Variants in MYO5B observed in about 807,000 individuals in gnomAD.
MYO5B encodes the protein unconventional myosin-Vb.
MYO5B carries 143 observed loss-of-function variants against 229.3 expected under a neutral mutation model. That is an observed-to-expected ratio of 0.62 (90% CI 0.54 to 0.72). The LOEUF (loss-of-function observed/expected upper bound fraction) is 0.72. Among genes scored for constraint, MYO5B ranks in the 30% least tolerant of loss-of-function variants. MYO5B has a pLI of 0.00. For missense variants in MYO5B, 2,321 were observed against 2,331.0 expected (o/e 1.00, Z 0.09); for synonymous variants, 918 against 885.2 (o/e 1.04, Z -0.66).
intron 1 of MYO5B, among the ~76,000 whole-genome samples, chr18:50,113,330 C>T (rs1044228146): frequency 6.6e-6 from 1 of 152,196 alleles, no homozygotes; most frequent in East Asian, 1.9e-4. Flanking sequence ...GCCTTCCCTC[C>T]CAAGAGTCAC....
chr18:49,990,348 C>A (rs1437941731), intron 7 of MYO5B, 91 bp downstream of exon 7: 1 of 1,082,052 alleles, frequency 9.2e-7, no homozygotes, highest in Admixed American at 1.8e-5. Flanking sequence ...GACAAGAACC[C>A]ATGACGGAGG....
rs184042818 is a variant in MYO5B, at chr18:49,927,526, G to T, written c.2090+1986C>A. On this transcript the variant is annotated intron_variant, in intron 17 of 39. Transcript: ENST00000285039. Reference sequence around the variant, plus strand: ...CTGTAAGGCCACAGTCACCAAAACAGCATGATATTGGTATAAAAACGGGTG... The same window carrying T: ...CTGTAAGGCCACAGTCACCAAAACATCATGATATTGGTATAAAAACGGGTG... Among the ~76,000 whole-genome samples the T allele has an allele frequency of 1.6e-3, 236 of 152,242 alleles. No individual in the cohort carries two copies. The Middle Eastern group carries it at 0.02, about 13-fold the overall frequency.
chr18:50,090,043 C>G (rs777042428), intron 1 of MYO5B, among the ~76,000 whole-genome samples: 13 of 152,222 alleles, frequency 8.5e-5, no homozygotes, highest in Admixed American at 3.3e-4. Context: ...TCCGCCCCAA[C>G]TGGGGTTCCC....
At chr18:49,974,701 G>T in intron 9 of MYO5B, 86 bp from the exon 10 acceptor site, 2 of 1,496,480 alleles carry the variant, frequency 1.3e-6, no homozygotes, top group Non-Finnish European at 1.8e-6. Flanking sequence ...CTGCCCAGAG[G>T]GAAAACAAGC....
rs184480083 is a variant in MYO5B at position 50,193,554 on chromosome 18, C to T, written c.27+1213G>A. On this transcript the variant is annotated intron_variant, in intron 1 of 39. Transcript: ENST00000285039. ...GCCGCGTGTGATCGCCAGGTAAGGA[C>T]GCGGAAGTGACTGTTCCTACCCAGC... Among the ~76,000 whole-genome samples, 6 of 152,380 alleles carry T rather than the reference C, an allele frequency of 3.9e-5. No individual in the cohort carries two copies. The East Asian group carries it at 7.7e-4, about 20-fold the overall frequency.
At chr18:50,053,574 A>C (rs2030461365) in intron 2 of MYO5B, among the ~76,000 whole-genome samples, 1 of 152,150 alleles carries the variant, frequency 6.6e-6, no homozygotes, top group Non-Finnish European at 1.5e-5. Flanking sequence ...TGGTAAACAT[A>C]ATTCCATCTG....
At chr18:50,043,815 T>C (rs1266738210) in intron 2 of MYO5B, among the ~76,000 whole-genome samples, 1 of 151,316 alleles carries the variant, frequency 6.6e-6, no homozygotes, top group Non-Finnish European at 1.5e-5. Context: ...ACATTGTATG[T>C]TCTCACTCAT....
At chr18:50,004,765 A>T (rs2026083560) in intron 4 of MYO5B, among the ~76,000 whole-genome samples, 1 of 152,152 alleles carries the variant, frequency 6.6e-6, no homozygotes, top group Non-Finnish European at 1.5e-5. Flanking sequence ...TCTTAAAAAA[A>T]ATAGAGGTGG....
rs1214635101 is a variant in MYO5B, at chr18:50,170,066, C to T, written c.27+24701G>A. 1.6e-4 allele frequency among the ~76,000 whole-genome samples: 21 copies of T among 127,976 alleles called. 8 individuals are homozygous for T. The highest frequency in any genetic ancestry group is 3.4e-4 in the Admixed American group (4 of 11,926). The allele number at this position is 127,976 out of a possible 152,430, so 84.0% of individuals were successfully genotyped here. ...CATTTAATAGGTAGAAGACAGAAGA[C>T]TATGATTCCATTACTATTTCCCCAC... On this transcript the variant is annotated intron_variant, in intron 1 of 39. Transcript: ENST00000285039.
Position 49,864,273 on chromosome 18 carries a change from T to C in MYO5B, c.3711A>G (p.Pro1237=), listed in dbSNP as rs764211326. The C allele has an allele frequency of 6.2e-7, 1 of 1,614,196 alleles. No homozygotes were observed. Among genetic ancestry groups the C allele is most frequent in the Non-Finnish European group, 8.5e-7 (1 of 1,180,038 alleles). The change falls in exon 28 of 40, where the codon CCA becomes CCG. Residue 1237 remains proline (P), a synonymous_variant. Coordinates refer to ENST00000285039, the MANE Select transcript of MYO5B (RefSeq NM_001080467.3). ...ATQNNSSHGS[P]DSYSLLLNQL... ...GGTTCAGCAGGAGGCTGTAGCTATC[T>C]GGGGAGCCGTGGCTGGAGTTATTCT...
At chr18:50,030,046 G>A (rs2026370794) in intron 4 of MYO5B, among the ~76,000 whole-genome samples, 1 of 151,850 alleles carries the variant, frequency 6.6e-6, no homozygotes. Context: ...TTTAAAACTT[G>A]ATCTCAAAGC....
chr18:50,042,392 A>G (rs924467758), intron 2 of MYO5B, among the ~76,000 whole-genome samples: 26 of 152,216 alleles, frequency 1.7e-4, no homozygotes, highest in African/African-American at 6.3e-4. Flanking sequence ...ACCGTGCAAA[A>G]TATCATTGGT....
chr18:49,882,521 G>A (rs1047210401), intron 22 of MYO5B, among the ~76,000 whole-genome samples: 7 of 150,316 alleles, frequency 4.7e-5, no homozygotes, highest in African/African-American at 1.7e-4. Context: ...CCAGCTACTT[G>A]GGAGGCCGAA....
rs200805961 is a variant in MYO5B at position 49,904,658 on chromosome 18, G to A, written c.2571+14C>T. ...TGAATCTGCAGCCCTGAGGCCCTCAGAGTGGCTACTCACCTGGCGGTAGGT... is the reference window on the plus strand; with the variant it reads ...TGAATCTGCAGCCCTGAGGCCCTCAAAGTGGCTACTCACCTGGCGGTAGGT... On this transcript the variant is annotated intron_variant, in intron 20 of 39. Coordinates refer to ENST00000285039, the MANE Select transcript of MYO5B (RefSeq NM_001080467.3). The A allele has an allele frequency of 7.3e-4, 1,182 of 1,613,686 alleles. 9 individuals carry two copies. The South Asian group carries it at 0.012, about 17-fold the overall frequency.
At position 50,122,632 on chromosome 18, in the gene MYO5B, GGGGAGAGAGAGAGA is replaced by G. The variant is rs2032082281; in HGVS notation, c.28-67268_28-67255del. On this transcript the variant is annotated intron_variant, in intron 1 of 39. Coordinates refer to ENST00000285039, the MANE Select transcript of MYO5B (RefSeq NM_001080467.3). ...AAAGAGAGGGAGGGAGGGAAGGGGGGGGGAGAGAGAGAGAGAGAGAGAGAGAGAGAGAGAGAGAG... is the reference window on the plus strand; with the variant it reads ...AAAGAGAGGGAGGGAGGGAAGGGGGGGAGAGAGAGAGAGAGAGAGAGAGAG... Among the ~76,000 whole-genome samples the G allele has an allele frequency of 3.0e-4, 4 of 13,408 alleles. 1 individual carries two copies. The highest frequency in any genetic ancestry group is 8.7e-4 in the African/African-American group (4 of 4,614). The allele number at this position is 13,408 out of a possible 152,430, so 8.8% of individuals were successfully genotyped here.
chr18:50,035,061 C>CAA (rs1302825688), intron 4 of MYO5B, among the ~76,000 whole-genome samples: 16 of 152,270 alleles, frequency 1.1e-4, no homozygotes, highest in African/African-American at 3.6e-4. Context: ...GCAAAGGTCT[C>CAA]AAGCAAGTGA....
At chr18:49,909,084 A>C (rs2024930710) in intron 18 of MYO5B, among the ~76,000 whole-genome samples, 1 of 152,190 alleles carries the variant, frequency 6.6e-6, no homozygotes, top group African/African-American at 2.4e-5. Flanking sequence ...GTTCTGTTCT[A>C]AAACGTACTT....
At chr18:50,018,140 A>AC (rs1445953328) in intron 4 of MYO5B, among the ~76,000 whole-genome samples, 1 of 152,136 alleles carries the variant, frequency 6.6e-6, no homozygotes, top group Non-Finnish European at 1.5e-5. Flanking sequence ...ATGGCTATTC[A>AC]CAGTTGTGGT....
At chr18:50,189,354 T>A (rs2033196967) in intron 1 of MYO5B, among the ~76,000 whole-genome samples, 1 of 152,198 alleles carries the variant, frequency 6.6e-6, no homozygotes, top group South Asian at 2.1e-4. Flanking sequence ...CCAAGCATGG[T>A]AACTTTAGTT....
Sources: gnomAD v4.1 joint callset for allele counts (sites outside exome capture counted in the v4.1 genomes callset) on GRCh38, gnomAD v4.1.1 for gene constraint, MANE v1.5 for transcripts, NCBI Gene and HGNC (gene_info 2026-07-23, HGNC 2026-07-21) for gene names.